WDR74: variants seen among roughly 807,000 people sequenced by gnomAD.
WDR74 encodes WD repeat domain 74.
WDR74 carries 31 observed loss-of-function variants against 45.6 expected under a neutral mutation model. The ratio of observed to expected loss-of-function variants is 0.68; its 90% CI spans 0.51 to 0.92. The LOEUF is 0.92. Among genes scored for constraint, WDR74 ranks in the 40% least tolerant of loss-of-function variants. The probability of loss-of-function intolerance (pLI) is 0.00; values close to 1 mark genes in which losing one functional copy is unlikely to be tolerated. For missense variants in WDR74, 455 were observed against 497.2 expected (o/e 0.92, Z 0.81); for synonymous variants, 191 against 192.4 (o/e 0.99, Z 0.06).
At chr11:62,841,477 A>C (rs150157413), upstream of WDR74, 6 of 152,330 alleles carry the variant, frequency 3.9e-5, no homozygotes, top group East Asian at 3.9e-4. Flanking sequence ...CCTTCTCTCA[A>C]CAAGACACTC....
In WDR74 at chr11:62,839,204, T is replaced by G. The variant is rs919009472; in HGVS notation, c.203A>C (p.Lys68Thr). ...TATGCCATCCTCGGTGCTGAAGTGC[T>G]TCACCGTCCTGTCCGCGCAGCCCAC... ...MLVGCADRTV[K>T]HFSTEDGIFQ... The change falls in exon 3 of 11, where the codon AAG (lysine) becomes ACG (threonine). Residue 68 changes from lysine (K) to threonine (T), a missense_variant. Physicochemically the swap from Lys to Thr is moderately conservative, Grantham distance 78. Coordinates refer to ENST00000278856, the MANE Select transcript of WDR74 (RefSeq NM_001369450.1). 2 of 1,613,572 alleles carry G rather than the reference T, an allele frequency of 1.2e-6. No homozygotes were observed. The highest frequency in any genetic ancestry group is 4.5e-5 in the East Asian group (2 of 44,902).
At chr11:62,834,828 T>C in intron 6 of WDR74, 1 of 399,026 alleles carries the variant, frequency 2.5e-6, no homozygotes, top group South Asian at 3.7e-5. Context: ...GGTCTAGTAG[T>C]CAGTAGGTGC....
At chr11:62,839,087 T>C (rs1565223297) in intron 3 of WDR74, 27 bp downstream of exon 3, 2 of 1,611,982 alleles carry the variant, frequency 1.2e-6, no homozygotes, top group East Asian at 4.5e-5. Context: ...CCTTCGGCCC[T>C]GAGTTTAGCG....
chr11:62,833,997 T>G, intron 8 of WDR74, 60 bp from the exon 9 acceptor site: 2 of 1,588,896 alleles, frequency 1.3e-6, no homozygotes, highest in Non-Finnish European at 1.7e-6. Context: ...CATTCATTGT[T>G]TCCTGTTCCA....
At chr11:62,841,236 GA>G (rs1565224678), upstream of WDR74, among the ~76,000 whole-genome samples, 1 of 152,188 alleles carries the variant, frequency 6.6e-6, no homozygotes, top group Non-Finnish European at 1.5e-5. Flanking sequence ...AGAATCGCAT[GA>G]ACCCGGGAGG....
chr11:62,836,839 A>C (rs911688199), intron 3 of WDR74, among the ~76,000 whole-genome samples: 2 of 151,956 alleles, frequency 1.3e-5, no homozygotes, highest in Non-Finnish European at 2.9e-5. Flanking sequence ...TTGGGAGGCC[A>C]AGGCAGGCAG....
rs374834955 is a variant in WDR74, at chr11:62,835,785, G to T, written c.426C>A (p.His142Gln). 1 of 1,613,764 alleles carries T rather than the reference G, an allele frequency of 6.2e-7. No individual in the cohort carries two copies. Among genetic ancestry groups the T allele is most frequent in the Non-Finnish European group, 8.5e-7 (1 of 1,179,790 alleles). The change falls in exon 5 of 11, where the codon CAC (histidine) becomes CAA (glutamine). Residue 142 changes from histidine to glutamine, a missense_variant. His to Gln is a conservative substitution (Grantham distance 24). Transcript: ENST00000278856. ...GVCRMRQDPA[H>Q]PHVVATGGKE... ...TCCCACCTGTGGCAACCACATGGGGGTGTGCTGGGTCTTGGCGCATCCTAC... is the reference window on the plus strand; with the variant it reads ...TCCCACCTGTGGCAACCACATGGGGTTGTGCTGGGTCTTGGCGCATCCTAC...
chr11:62,841,746 T>C (rs1004062514), upstream of WDR74: 20 of 152,212 alleles, frequency 1.3e-4, no homozygotes, highest in Admixed American at 4.6e-4. Context: ...AGAGGACGTA[T>C]CAGATATTAA....
intron 5 of WDR74, 37 bp from the exon 6 acceptor site, chr11:62,835,569 G>T: frequency 6.2e-7 from 1 of 1,613,368 alleles, no homozygotes; most frequent in South Asian, 1.1e-5. Flanking sequence ...GGGCTATGGG[G>T]GGCTCGATGT....
chr11:62,841,712 C>G (rs531041957), upstream of WDR74: 12 of 152,318 alleles, frequency 7.9e-5, no homozygotes, highest in Non-Finnish European at 1.2e-4. Flanking sequence ...TTCCAAAAAT[C>G]CATTTAATAT....
At chr11:62,841,391 C>T (rs2085046249), upstream of WDR74, among the ~76,000 whole-genome samples, 2 of 151,878 alleles carry the variant, frequency 1.3e-5, no homozygotes, top group Non-Finnish European at 1.5e-5. Context: ...GTTCCAACTA[C>T]CCCAGAGGCT....
rs1166370145 is a variant in WDR74, at chr11:62,833,603, G to A, written c.978+15C>T. 2.6e-6 allele frequency: 4 copies of A among 1,551,500 alleles called. No homozygotes were observed. Among genetic ancestry groups the A allele is most frequent in the African/African-American group, 1.4e-5 (1 of 73,002 alleles). On this transcript the variant is annotated intron_variant, in intron 10 of 10. Transcript: ENST00000278856. ...TATGCCCTTGGCTCCCACATTCCCG[G>A]GCCCAACTGCTCACCTCCCAGTTGT...
At chr11:62,841,600 G>A (rs191069823), upstream of WDR74, 54 of 152,266 alleles carry the variant, frequency 3.5e-4, no homozygotes, top group Middle Eastern at 3.4e-3. Flanking sequence ...ATTAAACAAC[G>A]GTTGTTCTCT....
intron 3 of WDR74, among the ~76,000 whole-genome samples, chr11:62,837,633 A>C (rs1168157077): frequency 6.6e-6 from 1 of 151,914 alleles, no homozygotes; most frequent in African/African-American, 2.4e-5. Flanking sequence ...CCCTCTTTCT[A>C]GAATACCCTT....
Position 62,835,470 on chromosome 11 carries a change from T to C in WDR74, c.579A>G (p.Pro193=). 6.2e-7 allele frequency: 1 copy of C among 1,614,004 alleles called. No homozygotes were observed. The highest frequency in any genetic ancestry group is 1.3e-5 in the African/African-American group (1 of 75,044). ...TGCAGGTGACAAGCTTCTGTGATCC[T>C]GGGAGAAACTGTATGTCCTGGTCCC... ...PIWDQDIQFL[P]GSQKLVTCTG... is the part of the protein sequence containing the mutation. The change falls in exon 6 of 11, where the codon CCA becomes CCG. Residue 193 remains proline, a synonymous_variant. Transcript: ENST00000278856.
chr11:62,841,286 T>C (rs1200814070), upstream of WDR74, among the ~76,000 whole-genome samples: 3 of 152,038 alleles, frequency 2.0e-5, no homozygotes, highest in Admixed American at 1.3e-4. Context: ...CATTGCACTC[T>C]AGCCTGGGCG....
rs1169312666 is a variant in WDR74, at chr11:62,835,416, G to T, written c.618+15C>A. ...CTTTATCCCAGGAGAAGGCAGGTGT[G>T]AGGTGACACCTTACCTGGTGGTACC... On this transcript the variant is annotated intron_variant, in intron 6 of 10. Coordinates refer to ENST00000278856, the MANE Select transcript of WDR74 (RefSeq NM_001369450.1). 1 of 1,610,352 alleles carries T rather than the reference G, an allele frequency of 6.2e-7. No homozygotes were observed.
rs760565116 is a variant in WDR74 at position 62,839,347 on chromosome 11, C to T, written c.146G>A (p.Cys49Tyr). The change falls in exon 2 of 11, where the codon TGT becomes TAT. Residue 49 changes from cysteine to tyrosine, a missense_variant. Transcript: ENST00000278856. Reference sequence around the variant, plus strand: ...CTGGGTCTCGCCGCCGGTGCCCCAACACAGGGCGCTCACTGCCTCCTCGCG... The same window carrying T: ...CTGGGTCTCGCCGCCGGTGCCCCAATACAGGGCGCTCACTGCCTCCTCGCG... ...PRREEAVSAL[C>Y]WGTGGETQML... is the part of the protein sequence containing the mutation. The T allele has an allele frequency of 1.7e-5, 27 of 1,611,526 alleles. No homozygotes were observed. The highest frequency in any genetic ancestry group is 2.2e-5 in the Non-Finnish European group (26 of 1,179,744).
upstream of WDR74, chr11:62,840,096 G>C (rs10897296): frequency 0.085 from 12,952 of 153,032 alleles, 684 homozygotes; most frequent in East Asian, 0.15. Context: ...CCGCCTCCCG[G>C]GTTCAAGCGA....
Sources: allele counts gnomAD v4.1 joint callset (sites outside exome capture counted in the v4.1 genomes callset), GRCh38; gene constraint gnomAD v4.1.1; transcripts MANE v1.5; gene names NCBI Gene and HGNC (gene_info 2026-07-23, HGNC 2026-07-21).